CLIP4: variants seen among roughly 807,000 people sequenced by gnomAD.
The protein encoded by CLIP4 is CAP-Gly domain containing linker protein family member 4, also known as CAP-Gly domain-containing linker protein 4.
In CLIP4, 47 loss-of-function variants were observed where a neutral mutation model predicts 73.1. The ratio of observed to expected loss-of-function variants is 0.64; its 90% CI spans 0.51 to 0.82. The LOEUF is 0.82. Ranked by LOEUF, CLIP4 falls within the 40% of genes least tolerant of loss-of-function variation. The pLI is 0.00. For missense variants in CLIP4, 874 were observed against 852.9 expected (o/e 1.02, Z -0.31); for synonymous variants, 306 against 295.4 (o/e 1.04, Z -0.37).
Position 29,119,760 on chromosome 2 carries a change from A to G in CLIP4, c.-15-1614A>G, listed in dbSNP as rs979288624. 2.0e-5 allele frequency among the ~76,000 whole-genome samples: 3 copies of G among 152,086 alleles called. No individual in the cohort carries two copies. The East Asian group carries it at 5.8e-4, about 29-fold the overall frequency. On this transcript the variant is annotated intron_variant, in intron 1 of 15. Transcript: ENST00000320081. ...TTTAATGGGATCCCCTTTTATATTG[A>G]TACCTATTCATCATTCAAGACTCAT...
intron 1 of CLIP4, among the ~76,000 whole-genome samples, chr2:29,101,904 GA>G (rs1209869076): frequency 6.6e-6 from 1 of 152,224 alleles, no homozygotes; most frequent in Non-Finnish European, 1.5e-5. Flanking sequence ...GCTTCTGGGG[GA>G]GAGCTACCAA....
intron 8 of CLIP4, among the ~76,000 whole-genome samples, chr2:29,151,373 G>C (rs1666551799): frequency 6.6e-6 from 1 of 152,110 alleles, no homozygotes. Context: ...TGCCGACACT[G>C]GTTGTAATCA....
chr2:29,100,332 G>GA (rs1216710588), intron 1 of CLIP4, among the ~76,000 whole-genome samples: 1 of 151,758 alleles, frequency 6.6e-6, no homozygotes, highest in African/African-American at 2.4e-5. Context: ...TCAGGGTTTG[G>GA]AAAAAAATAT....
Position 29,174,440 on chromosome 2 carries a change from T to C in CLIP4, c.1791T>C (p.Phe597=), listed in dbSNP as rs115155635. The part of the protein sequence containing the change: ...SQKEINRRNA[F]SKSKAALRRS... ...AGGAGATTAACAGAAGAAATGCTTT[T>C]TCCAAGTGAGTATTAAGAAGATTTA... The change falls in exon 15 of 16, where the codon TTT becomes TTC. Residue 597 remains phenylalanine, a synonymous_variant. Transcript: ENST00000320081. 1,088 of 1,611,452 alleles carry C rather than the reference T, an allele frequency of 6.8e-4. 6 individuals are homozygous for C. In the African/African-American group the frequency reaches 0.013, roughly 19 times the overall value.
rs554230598 is a variant in CLIP4, at chr2:29,157,108, G to C, written c.1256-96G>C. ...CACTAGATAATCCATAATTGAGGAA[G>C]TTAAATGAAGAATTTCAGAAAGATT... is the stretch of plus-strand genomic sequence containing the variant. On this transcript the variant is annotated intron_variant, in intron 10 of 15. Coordinates refer to ENST00000320081, the MANE Select transcript of CLIP4 (RefSeq NM_024692.6). The C allele has an allele frequency of 3.4e-5, 36 of 1,047,096 alleles. No individual in the cohort carries two copies. In the East Asian group the frequency reaches 8.3e-4, roughly 24 times the overall value. The allele number at this position is 1,047,096 out of a possible 1,614,324, so 64.9% of individuals were successfully genotyped here.
At chr2:29,180,838 GTA>G (rs1365392655) in intron 15 of CLIP4, among the ~76,000 whole-genome samples, 2 of 125,914 alleles carry the variant, frequency 1.6e-5, no homozygotes, top group African/African-American at 2.8e-5. Flanking sequence ...GCATATATAT[GTA>G]TGTGTGTGTG....
intron 1 of CLIP4, among the ~76,000 whole-genome samples, chr2:29,107,706 C>T (rs1485014052): frequency 6.6e-5 from 10 of 152,046 alleles, no homozygotes; most frequent in African/African-American, 1.9e-4. Flanking sequence ...GATGGGGTCT[C>T]ACTATGCTGC....
rs1668442744 is a variant in CLIP4, at chr2:29,178,011, TTTAC to T, written c.1797-3558_1797-3555del. On this transcript the variant is annotated intron_variant, in intron 15 of 15. Coordinates refer to ENST00000320081, the MANE Select transcript of CLIP4 (RefSeq NM_024692.6). ...TTTGGTTTAGATGTTGAATCCATTA[TTTAC>T]TTGTTTCTTTAAAAGCTTTTTTGTT... 1.3e-5 allele frequency among the ~76,000 whole-genome samples: 2 copies of T among 152,318 alleles called. 1 individual carries two copies. The highest frequency in any genetic ancestry group is 4.1e-4 in the South Asian group (2 of 4,830).
chr2:29,101,379 C>T (rs903514071), intron 1 of CLIP4, among the ~76,000 whole-genome samples: 4 of 151,828 alleles, frequency 2.6e-5, no homozygotes, highest in African/African-American at 9.7e-5. Context: ...CCAATAGCCC[C>T]TGGCAAATCA....
intron 8 of CLIP4, among the ~76,000 whole-genome samples, chr2:29,151,616 G>C (rs896931021): frequency 1.3e-5 from 2 of 152,066 alleles, no homozygotes; most frequent in African/African-American, 4.8e-5. Context: ...AGTGTAGTTG[G>C]TACTTTTTAG....
chr2:29,176,536 G>T (rs1183550420), intron 15 of CLIP4, among the ~76,000 whole-genome samples: 2 of 152,176 alleles, frequency 1.3e-5, no homozygotes, highest in Non-Finnish European at 2.9e-5. Context: ...TATAGAAATG[G>T]TAGTGAGGAA....
At chr2:29,131,489 G>A (rs746264181) in intron 3 of CLIP4, 92 bp downstream of exon 3, 44 of 1,343,020 alleles carry the variant, frequency 3.3e-5, no homozygotes, top group African/African-American at 4.4e-5. Flanking sequence ...GGTAATAAAG[G>A]AGAAACCCTT....
chr2:29,122,336 T>C (rs1320865891), intron 2 of CLIP4, among the ~76,000 whole-genome samples: 1 of 152,000 alleles, frequency 6.6e-6, no homozygotes, highest in African/African-American at 2.4e-5. Context: ...TTGGGAGTTA[T>C]CTGCAGGTTT....
At chr2:29,180,479 A>G (rs930759694) in intron 15 of CLIP4, among the ~76,000 whole-genome samples, 11 of 152,286 alleles carry the variant, frequency 7.2e-5, no homozygotes, top group African/African-American at 4.8e-5. Context: ...GCAGCTGCTC[A>G]AGGCACCTCA....
chr2:29,177,995 G>C (rs1668441596), intron 15 of CLIP4, among the ~76,000 whole-genome samples: 1 of 152,072 alleles, frequency 6.6e-6, no homozygotes, highest in South Asian at 2.1e-4. Flanking sequence ...TTTTGGTTTA[G>C]ATGTTGAATC....
intron 6 of CLIP4, among the ~76,000 whole-genome samples, chr2:29,138,811 G>A (rs918649757): frequency 1.2e-4 from 18 of 152,022 alleles, no homozygotes; most frequent in Admixed American, 1.1e-3. Context: ...AGTGTTATTG[G>A]TGTATAGAAA....
intron 2 of CLIP4, among the ~76,000 whole-genome samples, chr2:29,124,938 G>T (rs115155777): frequency 6.6e-6 from 1 of 152,190 alleles, no homozygotes; most frequent in African/African-American, 2.4e-5. Context: ...TTCTTTGCTT[G>T]CCTGATAATC....
chr2:29,178,372 G>T (rs979469984), intron 15 of CLIP4, among the ~76,000 whole-genome samples: 1 of 151,930 alleles, frequency 6.6e-6, no homozygotes, highest in Non-Finnish European at 1.5e-5. Flanking sequence ...GTAGAAACGG[G>T]GTTTCACCAT....
rs553691436 is a variant in CLIP4 at position 29,161,934 on chromosome 2, T to TCA, written c.1534+1469_1534+1470dup. On this transcript the variant is annotated intron_variant, in intron 12 of 15. Transcript: ENST00000320081. Reference sequence around the variant, plus strand: ...GACTGTCTCCCAACACAGTCTTGTTTCACTAATACCACTTATAATTGCAAG... The same window carrying TCA: ...GACTGTCTCCCAACACAGTCTTGTTTCACACTAATACCACTTATAATTGCAAG... Among the ~76,000 whole-genome samples the TCA allele has an allele frequency of 1.9e-3, 294 of 152,352 alleles. 1 individual carries two copies. Among genetic ancestry groups the TCA allele is most frequent in the Non-Finnish European group, 2.9e-3 (200 of 68,032 alleles).
Sources: gnomAD v4.1 joint callset for allele counts (sites outside exome capture counted in the v4.1 genomes callset) on GRCh38, gnomAD v4.1.1 for gene constraint, MANE v1.5 for transcripts, NCBI Gene and HGNC (gene_info 2026-07-23, HGNC 2026-07-21) for gene names.